Variants in VSX1 observed in about 807,000 individuals in gnomAD.
VSX1 encodes the protein homeodomain protein RINX.
VSX1 carries 23 observed loss-of-function variants against 23.6 expected under a neutral mutation model. The ratio of observed to expected loss-of-function variants is 0.97; its 90% CI spans 0.70 to 1.38. The LOEUF (loss-of-function observed/expected upper bound fraction) is 1.38, where lower values mean the gene tolerates loss of function less well. Among genes scored for constraint, VSX1 ranks in the 40% most tolerant of loss-of-function variants. VSX1 has a pLI of 0.00. For missense variants in VSX1, 517 were observed against 495.4 expected, an observed-to-expected ratio of 1.04 and a Z score of -0.41; for synonymous variants, 247 against 215.1, an observed-to-expected ratio of 1.15 and a Z score of -1.30.
Position 25,081,618 on chromosome 20 carries a change from C to G in VSX1, c.424+55G>C. The stretch of plus-strand genomic sequence containing the variant: ...GTGGGGCGATGGTCTGTGACCCCTG[C>G]GCGGCTCAGAGCCTAGGGGACAGGG... On this transcript the variant is annotated intron_variant, in intron 1 of 4. Coordinates refer to ENST00000376709, the MANE Select transcript of VSX1 (RefSeq NM_014588.6). 1.9e-6 allele frequency: 3 copies of G among 1,540,360 alleles called. No individual in the cohort carries two copies. In the Admixed American group the frequency reaches 5.8e-5, roughly 30 times the overall value.
intron 4 of VSX1, 78 bp downstream of exon 4, chr20:25,077,607 G>A: frequency 6.6e-7 from 1 of 1,508,098 alleles, no homozygotes. Context: ...GGAAATGGCT[G>A]CCTCGGTGGG....
At position 25,082,086 on chromosome 20, in the gene VSX1, C is replaced by A. The variant is rs557343739; in HGVS notation, c.11G>T (p.Arg4Leu). The A allele has an allele frequency of 5.9e-6, 9 of 1,537,892 alleles. No homozygotes were observed. The highest frequency in any genetic ancestry group is 7.8e-6 in the Non-Finnish European group (9 of 1,148,006). ...AGTGCGCCCGTCGGAAAGCGAGTCC[C>A]GGCCGGTCATGGTTCCTTAGCAAGC... is the stretch of plus-strand genomic sequence containing the variant. Reference protein sequence around the residue: MTGRDSLSDGRTSS... With the variant: MTGLDSLSDGRTSS... Residue 4 changes from arginine (R) to leucine (L), a missense_variant, in exon 1 of 5, where the codon CGG (arginine) becomes CTG (leucine). Transcript: ENST00000376709.
At position 25,081,660 on chromosome 20, in the gene VSX1, C is replaced by T. The variant is rs1202885929; in HGVS notation, c.424+13G>A. ...GGGACAGGGGCAGGAGCGGAAAGCG[C>T]GGGCCTGATTACCGGACGTGGAGAC... On this transcript the variant is annotated intron_variant, in intron 1 of 4. Transcript: ENST00000376709. The T allele has an allele frequency of 4.6e-6, 7 of 1,524,020 alleles. No individual in the cohort carries two copies. The highest frequency in any genetic ancestry group is 2.0e-5 in the Admixed American group (1 of 49,764). The allele number at this position is 1,524,020 out of a possible 1,614,324, so 94.4% of individuals were successfully genotyped here.
At chr20:25,078,686 G>T in intron 3 of VSX1, 143 bp downstream of exon 3, 1 of 1,606,440 alleles carries the variant, frequency 6.2e-7, no homozygotes, top group South Asian at 1.1e-5. Flanking sequence ...AGCTCTTGTG[G>T]TGCCTTCAGC....
At chr20:25,080,076 T>C (rs930631865) in intron 1 of VSX1, among the ~76,000 whole-genome samples, 5 of 152,200 alleles carry the variant, frequency 3.3e-5, no homozygotes, top group Non-Finnish European at 5.9e-5. Context: ...AGGAGGCTCA[T>C]TCTTGACAAG....
rs775374725 is a variant in VSX1, at chr20:25,076,362, G to A, written c.997C>T (p.Arg333Trp). 15 of 1,613,960 alleles carry A rather than the reference G, an allele frequency of 9.3e-6. No homozygotes were observed. Among genetic ancestry groups the A allele is most frequent in the Admixed American group, 3.3e-5 (2 of 60,000 alleles). The change falls in exon 5 of 5, where the codon CGG (arginine) becomes TGG (tryptophan). Residue 333 changes from arginine to tryptophan, a missense_variant. Transcript: ENST00000376709. ...DVAIDLSSSA[R>W]QETKKVHPGA... The stretch of plus-strand genomic sequence containing the variant: ...GGGTGCACTTTCTTGGTCTCCTGCC[G>A]GGCAGAGCTGGAGAGGTCAATAGCC...
In VSX1 at chr20:25,081,691, C is replaced by G. The variant is rs753414594; in HGVS notation, c.406G>C (p.Asp136His). Reference protein sequence around the residue: ...PPALGRQKRSDSVSTSDEDSQ... With the variant: ...PPALGRQKRSHSVSTSDEDSQ... ...TGATTACCGGACGTGGAGACGCTGT[C>G]GCTGCGCTTCTGGCGGCCGAGCGCA... The change falls in exon 1 of 5, where the codon GAC becomes CAC. Residue 136 changes from aspartate (D) to histidine (H), a missense_variant. Asp to His is a moderately conservative substitution (Grantham distance 81). Coordinates refer to ENST00000376709, the MANE Select transcript of VSX1 (RefSeq NM_014588.6). 4 of 1,512,930 alleles carry G rather than the reference C, an allele frequency of 2.6e-6. No homozygotes were observed. Among genetic ancestry groups the G allele is most frequent in the Non-Finnish European group, 3.5e-6 (4 of 1,137,862 alleles). 93.7% of individuals were successfully genotyped at this position (1,512,930 alleles called of 1,614,324 possible).
chr20:25,080,288 A>T (rs1246613222), intron 1 of VSX1, among the ~76,000 whole-genome samples: 2 of 152,266 alleles, frequency 1.3e-5, no homozygotes, highest in Non-Finnish European at 2.9e-5. Context: ...AAATAATACT[A>T]GTTTTACTCA....
At chr20:25,079,610 G>C in intron 1 of VSX1, 96 bp from the exon 2 acceptor site, 1 of 1,345,122 alleles carries the variant, frequency 7.4e-7, no homozygotes, top group Non-Finnish European at 1.0e-6. Flanking sequence ...GAACCTCTTG[G>C]GTACTTAAGT....
At chr20:25,080,887 AGCT>A (rs1220919403) in intron 1 of VSX1, among the ~76,000 whole-genome samples, 1 of 152,200 alleles carries the variant, frequency 6.6e-6, no homozygotes. Context: ...CTGGATGCTC[AGCT>A]CTAGATTCTA....
chr20:25,081,534 C>T, intron 1 of VSX1, 139 bp downstream of exon 1: 2 of 1,318,366 alleles, frequency 1.5e-6, no homozygotes, highest in Non-Finnish European at 2.2e-6. Flanking sequence ...GCCCCTCCCG[C>T]GACGGGGCCT....
chr20:25,071,442 A>G, downstream of VSX1: 1 of 453,674 alleles, frequency 2.2e-6, no homozygotes, highest in East Asian at 7.0e-5. Flanking sequence ...ACTGCACTCC[A>G]GCCTGGAGAC....
chr20:25,071,669 CTA>C, downstream of VSX1: 1 of 612,510 alleles, frequency 1.6e-6, no homozygotes, highest in South Asian at 1.5e-5. Flanking sequence ...TCACTAGGAC[CTA>C]GCTGTCATGA....
At position 25,082,090 on chromosome 20, in the gene VSX1, C is replaced by G. The variant is rs1456511606; in HGVS notation, c.7G>C (p.Gly3Arg). 3.3e-6 allele frequency: 5 copies of G among 1,537,374 alleles called. No homozygotes were observed. The highest frequency in any genetic ancestry group is 3.5e-6 in the Non-Finnish European group (4 of 1,147,760). Residue 3 changes from glycine to arginine, a missense_variant, in exon 1 of 5, where the codon GGC (glycine) becomes CGC (arginine). Transcript: ENST00000376709. MTGRDSLSDGRTS... is the reference protein window; with the variant it reads MTRRDSLSDGRTS... ...CGCCCGTCGGAAAGCGAGTCCCGGC[C>G]GGTCATGGTTCCTTAGCAAGCAAGG...
rs2089665654 is a variant in VSX1, at chr20:25,082,102, C to T, written c.-6G>A. On this transcript the variant is annotated 5_prime_UTR_variant, in exon 1 of 5. Transcript: ENST00000376709. Reference sequence around the variant, plus strand: ...AGCGAGTCCCGGCCGGTCATGGTTCCTTAGCAAGCAAGGCGCGAGCCTCTC... The same window carrying T: ...AGCGAGTCCCGGCCGGTCATGGTTCTTTAGCAAGCAAGGCGCGAGCCTCTC... The T allele has an allele frequency of 6.5e-7, 1 of 1,536,526 alleles. No homozygotes were observed. The highest frequency in any genetic ancestry group is 8.7e-7 in the Non-Finnish European group (1 of 1,147,310).
At chr20:25,072,122 G>A, downstream of VSX1, 2 of 585,564 alleles carry the variant, frequency 3.4e-6, no homozygotes, top group Non-Finnish European at 6.2e-6. Flanking sequence ...GTGGCTTAGT[G>A]AACTTAGCTG....
At position 25,077,625 on chromosome 20, in the gene VSX1, T is replaced by C. The variant is rs1171227455; in HGVS notation, c.808+60A>G. On this transcript the variant is annotated intron_variant, in intron 4 of 4. Coordinates refer to ENST00000376709, the MANE Select transcript of VSX1 (RefSeq NM_014588.6). ...AATGGCTGCCTCGGTGGGGACACCC[T>C]GGGATTCCCCCACCTCCTACAACAC... 6 of 1,530,208 alleles carry C rather than the reference T, an allele frequency of 3.9e-6. No homozygotes were observed. In the African/African-American group the frequency reaches 8.2e-5, roughly 21 times the overall value. The allele number at this position is 1,530,208 out of a possible 1,614,324, so 94.8% of individuals were successfully genotyped here.
intron 1 of VSX1, 154 bp downstream of exon 1, chr20:25,081,519 C>T: frequency 1.7e-6 from 2 of 1,173,778 alleles, no homozygotes; most frequent in African/African-American, 3.0e-5. Flanking sequence ...CGCAGCTCCG[C>T]GAATGCCCCT....
At chr20:25,071,551 T>C (rs2089378756), downstream of VSX1, 1 of 462,632 alleles carries the variant, frequency 2.2e-6, no homozygotes. Flanking sequence ...TGCCCTGGTA[T>C]GGACAGTTCC....
Sources: gnomAD v4.1 joint callset for allele counts (sites outside exome capture counted in the v4.1 genomes callset) on GRCh38, gnomAD v4.1.1 for gene constraint, MANE v1.5 for transcripts, NCBI Gene and HGNC (gene_info 2026-07-23, HGNC 2026-07-21) for gene names.